The following MFSD11 variants were observed in gnomAD, a reference collection of about 807,000 sequenced individuals.
MFSD11 encodes UNC93-like protein MFSD11.
MFSD11 carries 36 observed loss-of-function variants against 53.5 expected under a neutral mutation model. The ratio of observed to expected loss-of-function variants is 0.67; its 90% CI spans 0.52 to 0.89. MFSD11 has a LOEUF of 0.89. MFSD11 is among the 40% of genes least tolerant of loss of function. The pLI is 0.00. For synonymous variants in MFSD11, 186 were observed against 184.9 expected, an observed-to-expected ratio of 1.01 and a Z score of -0.05; for missense variants, 530 against 543.9, an observed-to-expected ratio of 0.97 and a Z score of 0.25.
the MFSD11 span, among the ~76,000 whole-genome samples, chr17:76,801,445 ATTTT>A: frequency 0.022 from 2,377 of 106,896 alleles, 67 homozygotes; most frequent in African/African-American, 0.075. Flanking sequence ...GCAGAGCAGC[ATTTT>A]TTTTTTTTTT....
chr17:76,801,025 C>T, the MFSD11 span, among the ~76,000 whole-genome samples: 9 of 150,880 alleles, frequency 6.0e-5, no homozygotes, highest in South Asian at 4.2e-4. Context: ...TGCAGTGAGC[C>T]GAGATGGCAC....
chr17:76,775,463 A>G (rs2081738955), intron 11 of MFSD11, among the ~76,000 whole-genome samples: 1 of 152,210 alleles, frequency 6.6e-6, no homozygotes, highest in Non-Finnish European at 1.5e-5. Context: ...TTAAGCAGTG[A>G]AATATCCAGA....
At chr17:76,802,284 A>G in the MFSD11 span, among the ~76,000 whole-genome samples, 1 of 152,066 alleles carries the variant, frequency 6.6e-6, no homozygotes, top group Admixed American at 6.6e-5. Context: ...AACAACAACA[A>G]CAAAAACAAT....
chr17:76,762,634 C>T (rs185903528), intron 8 of MFSD11, among the ~76,000 whole-genome samples: 1,635 of 127,810 alleles, frequency 0.013, 35 homozygotes, highest in African/African-American at 0.044. Context: ...CCAGCCTGGG[C>T]GACTGAGCGA....
At chr17:76,763,041 C>T (rs1160359278) in intron 8 of MFSD11, among the ~76,000 whole-genome samples, 1 of 152,116 alleles carries the variant, frequency 6.6e-6, no homozygotes, top group Non-Finnish European at 1.5e-5. Flanking sequence ...TGACTGAACT[C>T]CCCCAATGGT....
chr17:76,746,579 A>G (rs527853172), intron 7 of MFSD11, among the ~76,000 whole-genome samples: 2 of 152,206 alleles, frequency 1.3e-5, no homozygotes, highest in Non-Finnish European at 2.9e-5. Flanking sequence ...TAATGCAGCT[A>G]ATGACTTGAA....
At chr17:76,755,812 A>AT (rs552254902) in intron 8 of MFSD11, among the ~76,000 whole-genome samples, 10 of 19,540 alleles carry the variant, frequency 5.1e-4, no homozygotes, top group East Asian at 2.3e-3. Context: ...ATATATATAT[A>AT]TTTTTTTTTT....
chr17:76,740,975 A>C lies in MFSD11; in HGVS notation c.171A>C (p.Gly57=), dbSNP rs1017304287. The C allele has an allele frequency of 9.4e-6, 15 of 1,593,970 alleles. No individual in the cohort carries two copies. The highest frequency in any genetic ancestry group is 1.2e-5 in the Non-Finnish European group (14 of 1,170,210). The stretch of plus-strand genomic sequence containing the variant: ...TGTGCAGCATGGCTATTATCTATGG[A>C]GTGTTCTCTGCTTCAAATTTGATTA... The part of the protein sequence containing the change: ...SGYTSMAIIY[G]VFSASNLITP... The change falls in exon 3 of 13, where the codon GGA becomes GGC. Residue 57 remains glycine, a synonymous_variant. Coordinates refer to ENST00000685175, the MANE Select transcript of MFSD11 (RefSeq NM_001242532.5).
the MFSD11 span, among the ~76,000 whole-genome samples, chr17:76,788,239 G>C: frequency 2.0e-5 from 3 of 149,210 alleles, no homozygotes; most frequent in African/African-American, 7.4e-5. Flanking sequence ...ACAGGGTGTT[G>C]CCATGTTGTC....
At chr17:76,737,331 T>C (rs940375338), upstream of MFSD11, 158 of 866,214 alleles carry the variant, frequency 1.8e-4, no homozygotes, top group Non-Finnish European at 2.6e-4. Context: ...GAGTAACAAC[T>C]GGGCGGGCAG....
the MFSD11 span, among the ~76,000 whole-genome samples, chr17:76,800,450 A>G: frequency 6.6e-6 from 1 of 152,166 alleles, no homozygotes. Context: ...ATCCTTTCCA[A>G]TTAAACAGCC....
intron 8 of MFSD11, among the ~76,000 whole-genome samples, chr17:76,764,108 G>T (rs989263081): frequency 6.6e-6 from 1 of 151,730 alleles, no homozygotes; most frequent in East Asian, 1.9e-4. Flanking sequence ...CAAGCAATTC[G>T]CCTGCCTCCC....
intron 10 of MFSD11, among the ~76,000 whole-genome samples, chr17:76,770,418 T>C (rs748737496): frequency 9.2e-5 from 14 of 152,168 alleles, no homozygotes; most frequent in Non-Finnish European, 1.9e-4. Flanking sequence ...TAAGAAAACA[T>C]ACAATGTCTC....
rs1234863900 is a variant in MFSD11 at position 76,755,782 on chromosome 17, G to GTATACATACATA, written c.682+1696_682+1697insATACATACATAT. Among the ~76,000 whole-genome samples the GTATACATACATA allele has an allele frequency of 2.1e-4, 6 of 29,168 alleles. No individual in the cohort carries two copies. The East Asian group carries it at 0.011, about 51-fold the overall frequency. 19.1% of individuals were successfully genotyped at this position (29,168 alleles called of 152,430 possible). A position where few individuals can be genotyped will look rare whatever the true frequency, so the allele number is the denominator to read the frequency against. On this transcript the variant is annotated intron_variant, in intron 8 of 12. Transcript: ENST00000685175. ...TGTATATATGTACGTGTGTGTGTGT[G>GTATACATACATA]TGTGTATACATATATATATATATAT...
intron 8 of MFSD11, among the ~76,000 whole-genome samples, chr17:76,764,302 C>A (rs1483528095): frequency 6.6e-6 from 1 of 151,264 alleles, no homozygotes. Flanking sequence ...TTCAAGTATA[C>A]AATAGAGTGT....
chr17:76,771,744 G>A (rs2081388317), intron 10 of MFSD11, among the ~76,000 whole-genome samples: 1 of 152,212 alleles, frequency 6.6e-6, no homozygotes, highest in African/African-American at 2.4e-5. Flanking sequence ...AACCAGTTGC[G>A]TGGTGGTGTG....
chr17:76,737,976 G>C, upstream of MFSD11: 1 of 274,142 alleles, frequency 3.6e-6, no homozygotes. Flanking sequence ...GCTGCGGTCA[G>C]GTGACCCGGT....
intron 8 of MFSD11, among the ~76,000 whole-genome samples, chr17:76,756,269 C>T (rs755987906): frequency 6.6e-6 from 1 of 151,348 alleles, no homozygotes; most frequent in African/African-American, 2.4e-5. Flanking sequence ...ACTACAGGCA[C>T]GTGCCACCAC....
Position 76,761,310 on chromosome 17 carries a change from A to G in MFSD11, c.683-6076A>G, listed in dbSNP as rs570437088. On this transcript the variant is annotated intron_variant, in intron 8 of 12. Coordinates refer to ENST00000685175, the MANE Select transcript of MFSD11 (RefSeq NM_001242532.5). ...ATGTTTATAACCTTTGCCCCAGTGG[A>G]ATAACCAATTTCACTAGTAAGATTA... is the stretch of plus-strand genomic sequence containing the variant. 9.8e-5 allele frequency among the ~76,000 whole-genome samples: 15 copies of G among 152,346 alleles called. No homozygotes were observed. The South Asian group carries it at 2.1e-3, about 21-fold the overall frequency.
Sources: gnomAD v4.1 joint callset for allele counts (sites outside exome capture counted in the v4.1 genomes callset) on GRCh38, gnomAD v4.1.1 for gene constraint, MANE v1.5 for transcripts, NCBI Gene and HGNC (gene_info 2026-07-23, HGNC 2026-07-21) for gene names.